Variants in AFF2 observed in about 807,000 individuals in gnomAD.
AFF2 encodes AF4/FMR2 family member 2.
In AFF2, 14 loss-of-function variants were observed where a neutral mutation model predicts 76.9. The ratio of observed to expected loss-of-function variants is 0.18; its 90% confidence interval spans 0.12 to 0.28. The LOEUF (loss-of-function observed/expected upper bound fraction) is 0.28. Among genes scored for constraint, AFF2 ranks in the 10% least tolerant of loss-of-function variants. AFF2 has a pLI of 1.00. For missense variants in AFF2, 868 were observed against 1,001.1 expected (o/e 0.87, Z 1.79); for synonymous variants, 398 against 366.7 (o/e 1.09, Z -0.98).
At chrX:148,630,976 C>T (rs1174641359) in intron 1 of AFF2, among the ~76,000 whole-genome samples, 1 of 112,324 alleles carries the variant, frequency 8.9e-6, no homozygotes, top group African/African-American at 3.2e-5. Context: ...TTCTTCCTCT[C>T]CACCTGTCAT....
chrX:148,857,177 G>T (rs2070795786), intron 7 of AFF2, among the ~76,000 whole-genome samples: 1 of 111,906 alleles, frequency 8.9e-6, no homozygotes. Flanking sequence ...TGTAACAGTG[G>T]CTTAGTAAAC....
intron 3 of AFF2, among the ~76,000 whole-genome samples, chrX:148,762,172 T>A (rs2069455081): frequency 9.1e-6 from 1 of 109,955 alleles, no homozygotes; most frequent in Non-Finnish European, 1.9e-5. Context: ...CTGTACCCAA[T>A]GTGTAGTCTT....
Position 148,704,450 on chromosome X carries a change from T to TTA in AFF2, c.1041+41688_1041+41689dup, listed in dbSNP as rs1557262219. On this transcript the variant is annotated intron_variant, in intron 3 of 20. Transcript: ENST00000370460. ...TATTTATATATGTGTATATATATAT[T>TTA]TATATATGTGTATATATTTATATAT... 9.2e-3 allele frequency among the ~76,000 whole-genome samples: 165 copies of TTA among 17,936 alleles called. 22 individuals are homozygous for TTA. The highest frequency in any genetic ancestry group is 0.033 in the African/African-American group (154 of 4,656). The allele number at this position is 17,936 out of a possible 115,157, so 15.6% of individuals were successfully genotyped here. A position where few individuals can be genotyped will look rare whatever the true frequency, so the allele number is the denominator to read the frequency against.
chrX:148,870,071 T>C (rs1439256232), intron 7 of AFF2, among the ~76,000 whole-genome samples: 5 of 111,224 alleles, frequency 4.5e-5, no homozygotes, highest in Admixed American at 9.6e-5. Flanking sequence ...ATTTCCCTTT[T>C]CTGAATGGCA....
intron 7 of AFF2, among the ~76,000 whole-genome samples, chrX:148,861,294 G>A (rs1005346769): frequency 3.6e-5 from 4 of 111,893 alleles, no homozygotes; most frequent in African/African-American, 1.3e-4. Flanking sequence ...AAAATCAGAG[G>A]AAAAGAAAAT....
chrX:148,595,767 G>A (rs1480103949), intron 1 of AFF2, among the ~76,000 whole-genome samples: 1 of 111,758 alleles, frequency 8.9e-6, no homozygotes, highest in Non-Finnish European at 1.9e-5. Context: ...AAGATGGAGG[G>A]ATGACAAGTA....
At position 149,000,395 on chromosome X, in the gene AFF2, T is replaced by C. The variant is rs2072662226; in HGVS notation, c.*9063T>C. On this transcript the variant is annotated 3_prime_UTR_variant, in exon 21 of 21. Coordinates refer to ENST00000370460, the MANE Select transcript of AFF2 (RefSeq NM_002025.4). ...ATCTGGTTTTTAAAAGCTGGTTTCATGTGCTTTATGTGTATAAAACTATAT... is the reference window on the plus strand; with the variant it reads ...ATCTGGTTTTTAAAAGCTGGTTTCACGTGCTTTATGTGTATAAAACTATAT... 8.8e-6 allele frequency: 1 copy of C among 113,017 alleles called. No homozygotes were observed. The highest frequency in any genetic ancestry group is 3.6e-4 in the South Asian group (1 of 2,755). 9.3% of individuals were successfully genotyped at this position (113,017 alleles called of 1,213,427 possible).
intron 2 of AFF2, among the ~76,000 whole-genome samples, chrX:148,657,147 A>G (rs5980565): frequency 0.25 from 27,689 of 111,104 alleles, 2,878 homozygotes; most frequent in African/African-American, 0.4. Flanking sequence ...TTGTGTTGGG[A>G]CACATAGAGG....
intron 9 of AFF2, among the ~76,000 whole-genome samples, chrX:148,929,870 G>A (rs180783306): frequency 9.0e-6 from 1 of 111,730 alleles, no homozygotes; most frequent in Non-Finnish European, 1.9e-5. Context: ...AAGTCGGTGG[G>A]CATCCACTAC....
At chrX:148,517,615 A>G (rs2052550110) in intron 1 of AFF2, among the ~76,000 whole-genome samples, 1 of 112,159 alleles carries the variant, frequency 8.9e-6, no homozygotes, top group Non-Finnish European at 1.9e-5. Flanking sequence ...CCTTTCAGTC[A>G]TTATTCAACA....
rs182339244 is a variant in AFF2 at position 148,974,125 on chromosome X, C to T, written c.3404+518C>T. Among the ~76,000 whole-genome samples, 402 of 109,617 alleles carry T rather than the reference C, an allele frequency of 3.7e-3. 1 individual carries two copies. The highest frequency in any genetic ancestry group is 0.012 in the African/African-American group (374 of 30,035). Reference sequence around the variant, plus strand: ...TAGATGAGGTGGTAGTAGGGGCTGGCGGTACAGATGAGAGGATGAGAATAA... The same window carrying T: ...TAGATGAGGTGGTAGTAGGGGCTGGTGGTACAGATGAGAGGATGAGAATAA... On this transcript the variant is annotated intron_variant, in intron 16 of 20. Transcript: ENST00000370460.
In AFF2 at chrX:148,956,299, G is replaced by T. The variant is rs782556119; in HGVS notation, c.2254G>T (p.Ala752Ser). 32 of 1,210,016 alleles carry T rather than the reference G, an allele frequency of 2.6e-5. No individual in the cohort carries two copies. In the South Asian group the frequency reaches 4.8e-4, roughly 18 times the overall value. The change falls in exon 11 of 21, where the codon GCC (alanine) becomes TCC (serine). Residue 752 changes from alanine to serine, a missense_variant. Physicochemically the swap from Ala to Ser is moderately conservative, Grantham distance 99. Coordinates refer to ENST00000370460, the MANE Select transcript of AFF2 (RefSeq NM_002025.4). ...TGCCAAATCCAAGGAAATCTGTGGT[G>T]CCAGCCTGACCCTCAGCACCTTAAT... is the stretch of plus-strand genomic sequence containing the variant. ...NTAKSKEICG[A>S]SLTLSTLMSS... is the part of the protein sequence containing the mutation.
intron 3 of AFF2, among the ~76,000 whole-genome samples, chrX:148,746,446 C>T (rs1398139763): frequency 8.9e-6 from 1 of 112,066 alleles, no homozygotes; most frequent in Non-Finnish European, 1.9e-5. Flanking sequence ...GTTGCAAAGC[C>T]AGGCAGAATC....
intron 5 of AFF2, 126 bp downstream of exon 5, chrX:148,837,859 C>T (rs1303431193): frequency 4.5e-6 from 2 of 445,607 alleles, no homozygotes; most frequent in Admixed American, 7.7e-5. Context: ...TCTCTTGCCC[C>T]TCAGAATAGC....
chrX:148,518,573 T>G (rs1363219169), intron 1 of AFF2, among the ~76,000 whole-genome samples: 1 of 112,252 alleles, frequency 8.9e-6, no homozygotes, highest in Admixed American at 9.4e-5. Context: ...TCCGCTTGAG[T>G]GGCAGTTACC....
intron 3 of AFF2, among the ~76,000 whole-genome samples, chrX:148,704,727 A>G (rs1569553768): frequency 9.4e-6 from 1 of 106,439 alleles, no homozygotes; most frequent in Non-Finnish European, 1.9e-5. Context: ...GGGTTTCACC[A>G]TGTTAGCCAG....
chrX:148,960,118 G>A (rs2072091522), intron 12 of AFF2, among the ~76,000 whole-genome samples: 1 of 112,910 alleles, frequency 8.9e-6, no homozygotes, highest in African/African-American at 3.2e-5. Flanking sequence ...TGTGGAGCAG[G>A]GAGCTTGGAG....
intron 1 of AFF2, among the ~76,000 whole-genome samples, chrX:148,598,345 T>A (rs1274869728): frequency 1.8e-5 from 2 of 111,655 alleles, no homozygotes; most frequent in African/African-American, 6.5e-5. Context: ...AAGGAGATAG[T>A]TCTGGCTCTG....
At chrX:148,892,462 G>C (rs1283019001) in intron 8 of AFF2, among the ~76,000 whole-genome samples, 2 of 110,618 alleles carry the variant, frequency 1.8e-5, no homozygotes, top group Non-Finnish European at 3.8e-5. Context: ...GGTGGTCATG[G>C]TCATGGTTGT....
Sources: gnomAD v4.1 joint callset for allele counts (sites outside exome capture counted in the v4.1 genomes callset) on GRCh38, gnomAD v4.1.1 for gene constraint, MANE v1.5 for transcripts, NCBI Gene and HGNC (gene_info 2026-07-23, HGNC 2026-07-21) for gene names.